VWA3B: variants seen among roughly 807,000 people sequenced by gnomAD.
VWA3B encodes the protein von Willebrand factor A domain containing 3B, also known as von Willebrand factor A domain-containing protein 3B.
VWA3B carries 138 observed loss-of-function variants against 158.3 expected under a neutral mutation model. That is an observed-to-expected ratio of 0.87 (90% CI 0.76 to 1.00). The LOEUF (loss-of-function observed/expected upper bound fraction) is 1.00, where lower values mean the gene tolerates loss of function less well. Among genes scored for constraint, VWA3B ranks in the 50% least tolerant of loss-of-function variants. The pLI, the probability that VWA3B is intolerant of heterozygous loss-of-function variation, is 0.00. For synonymous variants in VWA3B, 596 were observed against 587.3 expected, an observed-to-expected ratio of 1.01 and a Z score of -0.21; for missense variants, 1,555 against 1,565.1, an observed-to-expected ratio of 0.99 and a Z score of 0.11.
chr2:98,163,067 G>C, intron 8 of VWA3B, 91 bp downstream of exon 8: 1 of 1,560,668 alleles, frequency 6.4e-7, no homozygotes, highest in Non-Finnish European at 8.7e-7. Flanking sequence ...GACCAGAGAA[G>C]CTCCAGAGCC....
rs369592793 is a variant in VWA3B at position 98,188,117 on chromosome 2, G to A, written c.1454G>A (p.Arg485Gln). 72 of 1,609,456 alleles carry A rather than the reference G, an allele frequency of 4.5e-5. No individual in the cohort carries two copies. Among genetic ancestry groups the A allele is most frequent in the African/African-American group, 1.2e-4 (9 of 74,740 alleles). Reference protein sequence around the residue: ...YSERIHTALARIRRRIKWLQD... With the variant: ...YSERIHTALAQIRRRIKWLQD... ...GAGAGAATCCACACAGCCCTGGCCC[G>A]GATCCGAAGGAGGTTGGTGTTATTT... Residue 485 changes from arginine (R) to glutamine (Q), a missense_variant, in exon 10 of 28, where the codon CGG becomes CAG. By Grantham distance (43) the Arg-to-Gln change is conservative. Transcript: ENST00000477737.
intron 21 of VWA3B, among the ~76,000 whole-genome samples, chr2:98,268,371 C>G (rs1225281406): frequency 6.6e-6 from 1 of 152,126 alleles, no homozygotes. Context: ...CCCTGGGATG[C>G]AAGGCTGGTT....
At chr2:98,191,959 A>G (rs1430072095) in intron 10 of VWA3B, among the ~76,000 whole-genome samples, 4 of 152,146 alleles carry the variant, frequency 2.6e-5, no homozygotes, top group African/African-American at 9.7e-5. Context: ...TGCAGCTACG[A>G]ATTTCATTTA....
At chr2:98,129,224 A>AGAGAGAGAGTGTGTGTGTGT (rs1370543551) in intron 6 of VWA3B, among the ~76,000 whole-genome samples, 1 of 124,560 alleles carries the variant, frequency 8.0e-6, no homozygotes, top group Non-Finnish European at 1.7e-5. Flanking sequence ...AGAGAGAGAG[A>AGAGAGAGAGTGTGTGTGTGT]GTGTGTGTGT....
intron 8 of VWA3B, among the ~76,000 whole-genome samples, chr2:98,180,109 C>G (rs1680433443): frequency 7.1e-6 from 1 of 141,354 alleles, no homozygotes; most frequent in South Asian, 2.3e-4. Flanking sequence ...TCTTTTCTTT[C>G]TTTCTTCTGT....
Position 98,311,877 on chromosome 2 carries a change from A to G in VWA3B, c.3580A>G (p.Thr1194Ala). Residue 1194 changes from threonine (T) to alanine (A), a missense_variant, in exon 27 of 28, where the codon ACG (threonine) becomes GCG (alanine). Coordinates refer to ENST00000477737, the MANE Select transcript of VWA3B (RefSeq NM_144992.5). ...FLFWPLKEAD[T>A]QDSREPRREK... is the part of the protein sequence containing the mutation. ...CTTCTGGCCACTGAAAGAAGCGGAC[A>G]CGCAGGATTCCAGAGAGCCAAGACG... 6.2e-7 allele frequency: 1 copy of G among 1,612,556 alleles called. No individual in the cohort carries two copies. The highest frequency in any genetic ancestry group is 8.5e-7 in the Non-Finnish European group (1 of 1,179,366).
rs576390260 is a variant in VWA3B at position 98,182,362 on chromosome 2, G to A, written c.1311+1150G>A. Among the ~76,000 whole-genome samples, 10 of 152,314 alleles carry A rather than the reference G, an allele frequency of 6.6e-5. No homozygotes were observed. The South Asian group carries it at 1.9e-3, about 28-fold the overall frequency. ...CTCCATGGAAAGGGCACTGTCCGTC[G>A]GGGCTATGTGAGCCACACCATGTTA... On this transcript the variant is annotated intron_variant, in intron 9 of 27. Coordinates refer to ENST00000477737, the MANE Select transcript of VWA3B (RefSeq NM_144992.5).
chr2:98,178,474 G>A (rs926069458), intron 8 of VWA3B, among the ~76,000 whole-genome samples: 2 of 152,200 alleles, frequency 1.3e-5, no homozygotes, highest in Non-Finnish European at 2.9e-5. Context: ...CATGATTTAT[G>A]TCTTCCCATC....
chr2:98,325,799 C>A, the VWA3B span, among the ~76,000 whole-genome samples: 1 of 152,160 alleles, frequency 6.6e-6, no homozygotes, highest in Admixed American at 6.5e-5. Context: ...TCTCTCAACA[C>A]TTCCTAGAAC....
chr2:98,305,692 C>G (rs1690479822), intron 26 of VWA3B, among the ~76,000 whole-genome samples: 1 of 152,152 alleles, frequency 6.6e-6, no homozygotes, highest in African/African-American at 2.4e-5. Flanking sequence ...AGCCAGAAAT[C>G]TGGTGGTCAT....
At chr2:98,102,390 C>T (rs562639175) in intron 2 of VWA3B, among the ~76,000 whole-genome samples, 54 of 152,186 alleles carry the variant, frequency 3.5e-4, no homozygotes, top group South Asian at 1.0e-3. Context: ...GCTGTCTTTT[C>T]GGAGCTGTTG....
intron 7 of VWA3B, among the ~76,000 whole-genome samples, chr2:98,160,661 C>T (rs750050152): frequency 9.9e-5 from 15 of 152,248 alleles, no homozygotes; most frequent in Non-Finnish European, 1.9e-4. Context: ...TGCTACTTAA[C>T]ACCTCCAGGC....
chr2:98,261,147 G>T lies in VWA3B; in HGVS notation c.2843+4973G>T, dbSNP rs560506724. Among the ~76,000 whole-genome samples the T allele has an allele frequency of 2.0e-5, 3 of 151,712 alleles. No homozygotes were observed. In the South Asian group the frequency reaches 6.2e-4, roughly 31 times the overall value. On this transcript the variant is annotated intron_variant, in intron 21 of 27. Coordinates refer to ENST00000477737, the MANE Select transcript of VWA3B (RefSeq NM_144992.5). ...TTTTATTTTTGATTTGTTCTAATGG[G>T]TCGTTGTGATCGCTCTTTATTTCCT...
At chr2:98,207,403 C>A in intron 12 of VWA3B, 2 of 477,100 alleles carry the variant, frequency 4.2e-6, no homozygotes, top group Non-Finnish European at 4.2e-6. Context: ...TGATGTTGCC[C>A]GTGGGGTGCA....
chr2:98,117,273 G>A (rs1334338365), intron 3 of VWA3B, among the ~76,000 whole-genome samples: 2 of 152,190 alleles, frequency 1.3e-5, no homozygotes, highest in East Asian at 1.9e-4. Context: ...TCCTTTGGAT[G>A]GGCCTTTTTG....
intron 9 of VWA3B, 107 bp downstream of exon 9, chr2:98,181,319 A>T (rs1558644458): frequency 8.0e-6 from 10 of 1,243,410 alleles, no homozygotes; most frequent in Non-Finnish European, 1.1e-5. Context: ...AGGGAGAGAA[A>T]CCAGCTTGGG....
chr2:98,171,922 G>A (rs191941674), intron 8 of VWA3B, among the ~76,000 whole-genome samples: 77 of 152,258 alleles, frequency 5.1e-4, no homozygotes, highest in African/African-American at 1.7e-3. Flanking sequence ...GGAGTGGCTC[G>A]CTTCTTTAGT....
chr2:98,087,521 C>T (rs955094957), intron 1 of VWA3B, among the ~76,000 whole-genome samples, 158 bp downstream of exon 1: 1 of 152,178 alleles, frequency 6.6e-6, no homozygotes, highest in Non-Finnish European at 1.5e-5. Flanking sequence ...CGGTGACTTG[C>T]CCTGGCCCAC....
At chr2:98,089,502 C>T (rs1682117008) in intron 1 of VWA3B, among the ~76,000 whole-genome samples, 3 of 117,554 alleles carry the variant, frequency 2.6e-5, no homozygotes, top group Admixed American at 1.9e-4. Flanking sequence ...GGAAAGCAGG[C>T]GGGCTAGTGG....
Sources: allele counts gnomAD v4.1 joint callset (sites outside exome capture counted in the v4.1 genomes callset), GRCh38; gene constraint gnomAD v4.1.1; transcripts MANE v1.5; gene names NCBI Gene and HGNC (gene_info 2026-07-23, HGNC 2026-07-21).